Variants in MAP3K9 observed in about 807,000 individuals in gnomAD.
MAP3K9 encodes mixed lineage kinase 1 (tyr and ser/thr specificity).
In MAP3K9, 46 loss-of-function variants were observed where a neutral mutation model predicts 95.8. The observed-to-expected ratio is 0.48, with a 90% CI of 0.38 to 0.61. MAP3K9 has a LOEUF of 0.61. Among genes scored for constraint, MAP3K9 ranks in the 20% least tolerant of loss-of-function variants. The probability of loss-of-function intolerance (pLI) is 0.00; values close to 1 mark genes in which losing one functional copy is unlikely to be tolerated. For synonymous variants in MAP3K9, 533 were observed against 593.8 expected (o/e 0.90, Z 1.49); for missense variants, 1,296 against 1,474.3 (o/e 0.88, Z 1.98).
intron 2 of MAP3K9, among the ~76,000 whole-genome samples, chr14:70,776,498 C>T (rs945243013): frequency 5.9e-5 from 9 of 152,142 alleles, no homozygotes; most frequent in African/African-American, 2.2e-4. Context: ...TCATCCTCTA[C>T]ATGGTATATC....
chr14:70,759,974 C>T (rs1321420254), intron 3 of MAP3K9, among the ~76,000 whole-genome samples: 1 of 151,998 alleles, frequency 6.6e-6, no homozygotes, highest in African/African-American at 2.4e-5. Context: ...CAGGCTGGTC[C>T]CAAACTCCCA....
intron 2 of MAP3K9, among the ~76,000 whole-genome samples, chr14:70,777,578 TCAAA>T (rs2054616476): frequency 6.6e-6 from 1 of 152,164 alleles, no homozygotes; most frequent in African/African-American, 2.4e-5. Flanking sequence ...GTCTTCCCTA[TCAAA>T]CCAGTCTGAT....
At chr14:70,807,939 T>G (rs1266368628) in intron 1 of MAP3K9, among the ~76,000 whole-genome samples, 1 of 152,120 alleles carries the variant, frequency 6.6e-6, no homozygotes. Flanking sequence ...ATGGTCCCCC[T>G]GAGATTTGAC....
intron 1 of MAP3K9, among the ~76,000 whole-genome samples, chr14:70,804,799 G>A (rs1208876227): frequency 2.0e-5 from 3 of 152,150 alleles, no homozygotes; most frequent in Non-Finnish European, 4.4e-5. Context: ...TCTTTGAGTA[G>A]AACATAAAAA....
chr14:70,748,839 G>T lies in MAP3K9; in HGVS notation c.1316C>A (p.Ala439Asp). Residue 439 changes from alanine to aspartate, a missense_variant, in exon 5 of 12, where the codon GCC becomes GAC. Ala to Asp is a moderately radical substitution (Grantham distance 126). This residue lies in a region of MAP3K9 where 377 missense variants were observed against 417.1 expected (regional missense o/e 0.90). Transcript: ENST00000554752. ...TTTTGTTTTGTTTACCTTTTCTTTG[G>T]CCCTGAGTTGGTCAAACATCTCCTG... ...EIQEMFDQLR[A>D]KEKELRTWEE... The T allele has an allele frequency of 6.2e-7, 1 of 1,609,458 alleles. No individual in the cohort carries two copies.
intron 2 of MAP3K9, among the ~76,000 whole-genome samples, chr14:70,783,987 A>G (rs1174267933): frequency 6.6e-6 from 1 of 152,254 alleles, no homozygotes; most frequent in African/African-American, 2.4e-5. Context: ...TTTTGTTTAA[A>G]CAAAAACAAA....
Position 70,739,515 on chromosome 14 carries a change from C to CAT in MAP3K9, c.1690+526_1690+527insAT, listed in dbSNP as rs575279152. On this transcript the variant is annotated intron_variant, in intron 7 of 11. Coordinates refer to ENST00000554752, the MANE Select transcript of MAP3K9 (RefSeq NM_001284230.2). The stretch of plus-strand genomic sequence containing the variant: ...ATAGGTGTATGTTCACACACACACA[C>CAT]ACACACACACACTTACATGTATGTG... Among the ~76,000 whole-genome samples the CAT allele has an allele frequency of 8.6e-5, 13 of 150,792 alleles. No individual in the cohort carries two copies. The East Asian group carries it at 2.5e-3, about 29-fold the overall frequency.
Position 70,733,329 on chromosome 14 carries a change from ACTGTCCT to A in MAP3K9, c.2033_2039del (p.Glu678ValfsTer54). ...GACTCTCTCCACTCCCTGGGCCTTCACTGTCCTCATCCTCTGTGAAGATGACAAGAGT... is the reference window on the plus strand; with the variant it reads ...GACTCTCTCCACTCCCTGGGCCTTCACATCCTCTGTGAAGATGACAAGAGT... On this transcript the variant is annotated frameshift_variant, in exon 11 of 12. Transcript: ENST00000554752. LOFTEE classifies it high-confidence loss of function. The A allele has an allele frequency of 7.3e-7, 1 of 1,371,480 alleles. No individual in the cohort carries two copies. The highest frequency in any genetic ancestry group is 1.0e-6 in the Non-Finnish European group (1 of 980,486). 85.0% of individuals were successfully genotyped at this position (1,371,480 alleles called of 1,614,324 possible).
intron 2 of MAP3K9, among the ~76,000 whole-genome samples, chr14:70,777,072 C>T (rs1489625229): frequency 6.6e-6 from 1 of 151,856 alleles, no homozygotes; most frequent in Admixed American, 6.6e-5. Flanking sequence ...CTCAGGTGAT[C>T]TGCCTACCTC....
At chr14:70,797,559 G>A (rs1400362321) in intron 2 of MAP3K9, among the ~76,000 whole-genome samples, 3 of 152,052 alleles carry the variant, frequency 2.0e-5, no homozygotes, top group Non-Finnish European at 4.4e-5. Context: ...CCAACATGGC[G>A]AAACCCCACC....
intron 2 of MAP3K9, among the ~76,000 whole-genome samples, chr14:70,774,653 A>T (rs530147213): frequency 1.3e-5 from 2 of 151,298 alleles, no homozygotes; most frequent in East Asian, 3.9e-4. Context: ...TGCGTGACAG[A>T]GAGAGACTCC....
chr14:70,807,025 G>T (rs540120052), intron 1 of MAP3K9, among the ~76,000 whole-genome samples: 2 of 152,294 alleles, frequency 1.3e-5, no homozygotes, highest in South Asian at 4.1e-4. Flanking sequence ...CTACCTCCAG[G>T]CATTTTAAAG....
At chr14:70,764,349 G>GATT (rs1297249749) in intron 2 of MAP3K9, among the ~76,000 whole-genome samples, 4 of 125,614 alleles carry the variant, frequency 3.2e-5, no homozygotes, top group Non-Finnish European at 6.9e-5. Context: ...ACTGTGATAT[G>GATT]ATCTTGACCC....
intron 2 of MAP3K9, among the ~76,000 whole-genome samples, chr14:70,799,628 C>T (rs191336223): frequency 0.01 from 1,590 of 152,310 alleles, 19 homozygotes; most frequent in Non-Finnish European, 0.017. Flanking sequence ...CGTGAGCCAC[C>T]GCGCCTGGCC....
At chr14:70,795,635 GGAAA>G (rs2054856193) in intron 2 of MAP3K9, among the ~76,000 whole-genome samples, 1 of 151,870 alleles carries the variant, frequency 6.6e-6, no homozygotes, top group Non-Finnish European at 1.5e-5. Flanking sequence ...TCTAAGAGAA[GGAAA>G]GAGTTATTTA....
chr14:70,798,760 G>T (rs1244487166), intron 2 of MAP3K9, among the ~76,000 whole-genome samples: 5 of 152,050 alleles, frequency 3.3e-5, no homozygotes, highest in Non-Finnish European at 7.4e-5. Flanking sequence ...TTACAGGCGT[G>T]AGCCACCGCG....
chr14:70,796,847 T>C (rs572711277), intron 2 of MAP3K9, among the ~76,000 whole-genome samples: 2 of 152,236 alleles, frequency 1.3e-5, no homozygotes, highest in African/African-American at 4.8e-5. Flanking sequence ...GGGTCCCAGA[T>C]GACAATATGG....
chr14:70,795,436 G>C (rs1280213576), intron 2 of MAP3K9, among the ~76,000 whole-genome samples: 2 of 151,594 alleles, frequency 1.3e-5, no homozygotes, highest in African/African-American at 4.9e-5. Context: ...AGCCTCCCAA[G>C]TAGTTGGGTC....
chr14:70,784,041 T>C (rs1452880061), intron 2 of MAP3K9, among the ~76,000 whole-genome samples: 1 of 152,180 alleles, frequency 6.6e-6, no homozygotes, highest in Non-Finnish European at 1.5e-5. Context: ...CCCAGCACTT[T>C]GGGAGGCCGA....
Sources: gnomAD v4.1 joint callset for allele counts (sites outside exome capture counted in the v4.1 genomes callset) on GRCh38, gnomAD v4.1.1 for gene constraint, gnomAD v4.1.1 regional missense constraint, MANE v1.5 for transcripts, NCBI Gene and HGNC (gene_info 2026-07-23, HGNC 2026-07-21) for gene names.